The following DIXDC1 variants were observed in gnomAD, a reference collection of about 807,000 sequenced individuals.
DIXDC1 encodes DIX domain containing 1.
Under a neutral mutation model 103.1 loss-of-function variants are expected in DIXDC1, and 64 were observed. The ratio of observed to expected loss-of-function variants is 0.62; its 90% CI spans 0.51 to 0.76. DIXDC1 has a LOEUF of 0.76. Among genes scored for constraint, DIXDC1 ranks in the 30% least tolerant of loss-of-function variants. The probability of loss-of-function intolerance (pLI) is 0.00; values close to 1 mark genes in which losing one functional copy is unlikely to be tolerated. For synonymous variants in DIXDC1, 266 were observed against 298.5 expected, an observed-to-expected ratio of 0.89 and a Z score of 1.12; for missense variants, 759 against 834.2, an observed-to-expected ratio of 0.91 and a Z score of 1.11.
At chr11:111,992,263 C>G (rs1194412320) in intron 10 of DIXDC1, among the ~76,000 whole-genome samples, 152 bp from the exon 11 acceptor site, 2 of 152,176 alleles carry the variant, frequency 1.3e-5, no homozygotes, top group African/African-American at 4.8e-5. Flanking sequence ...AAAACCCCTC[C>G]TCAGCAACTC....
chr11:111,975,643 A>G (rs1390291219), intron 5 of DIXDC1: 7 of 985,636 alleles, frequency 7.1e-6, no homozygotes, highest in Non-Finnish European at 8.4e-6. Flanking sequence ...AACACTCCCC[A>G]GATCATGTTT....
chr11:111,980,910 GTC>G, intron 6 of DIXDC1, 61 bp downstream of exon 6: 1 of 1,417,606 alleles, frequency 7.1e-7, no homozygotes, highest in Non-Finnish European at 9.9e-7. Flanking sequence ...GAATTTAGAG[GTC>G]CCCATCACCA....
At chr11:111,968,485 A>G (rs1859807108) in intron 2 of DIXDC1, 28 bp from the exon 3 acceptor site, 1 of 1,607,174 alleles carries the variant, frequency 6.2e-7, no homozygotes. Context: ...CCTCCCTATA[A>G]CTTCCTATAT....
intron 17 of DIXDC1, among the ~76,000 whole-genome samples, chr11:112,014,036 C>T (rs1484010847): frequency 7.2e-5 from 11 of 152,156 alleles, no homozygotes; most frequent in African/African-American, 2.7e-4. Flanking sequence ...GTACTCACTC[C>T]TCCTCCCCAA....
intron 1 of DIXDC1, among the ~76,000 whole-genome samples, chr11:111,948,287 A>G (rs587748657): frequency 6.6e-6 from 1 of 152,304 alleles, no homozygotes; most frequent in Admixed American, 6.5e-5. Context: ...ACGGTCCTAC[A>G]TTCCCATTAA....
chr11:111,945,716 C>G (rs1386352539), intron 1 of DIXDC1: 1 of 152,112 alleles, frequency 6.6e-6, no homozygotes, highest in Non-Finnish European at 1.5e-5. Flanking sequence ...GGAAGGCACG[C>G]TTGGTTCTGT....
At chr11:111,944,150 ATCT>A (rs1261444625) in intron 1 of DIXDC1, among the ~76,000 whole-genome samples, 4 of 152,054 alleles carry the variant, frequency 2.6e-5, no homozygotes, top group Admixed American at 6.6e-5. Flanking sequence ...TCATCTCCTC[ATCT>A]TCTGCTGCTG....
At chr11:111,929,332 A>G (rs1965939582) in intron 1 of DIXDC1, among the ~76,000 whole-genome samples, 1 of 152,234 alleles carries the variant, frequency 6.6e-6, no homozygotes, top group Non-Finnish European at 1.5e-5. Context: ...AAATATAGGA[A>G]GAAAGGAAAA....
chr11:111,942,071 G>T (rs781867679), intron 1 of DIXDC1, among the ~76,000 whole-genome samples: 1 of 152,152 alleles, frequency 6.6e-6, no homozygotes, highest in Admixed American at 6.6e-5. Flanking sequence ...GAAATTAAAG[G>T]CTTGTTAAGT....
In DIXDC1 at chr11:111,977,215, G is replaced by A; in HGVS notation, c.656+2232G>A. Reference sequence around the variant, plus strand: ...GCACCCTCAACCTCCGTCCAGAGCGGTCGGTTGGCCAGCGGAGCTGGCTTG... The same window carrying A: ...GCACCCTCAACCTCCGTCCAGAGCGATCGGTTGGCCAGCGGAGCTGGCTTG... On this transcript the variant is annotated intron_variant, in intron 5 of 19. Transcript: ENST00000440460. This position sits in a 1 kb window ranked among gnomAD's most constrained non-coding sequence, Gnocchi z 6.1. 1 of 992,418 alleles carries A rather than the reference G, an allele frequency of 1.0e-6. No homozygotes were observed. Among genetic ancestry groups the A allele is most frequent in the Non-Finnish European group, 1.2e-6 (1 of 834,074 alleles). 61.5% of individuals were successfully genotyped at this position (992,418 alleles called of 1,614,324 possible). A position where few individuals can be genotyped will look rare whatever the true frequency, so the allele number is the denominator to read the frequency against.
intron 14 of DIXDC1, 81 bp from the exon 15 acceptor site, chr11:111,994,938 A>C: frequency 7.9e-7 from 1 of 1,258,886 alleles, no homozygotes; most frequent in Non-Finnish European, 1.1e-6. Context: ...GGAAGTGATA[A>C]ATGTAAAGAA....
chr11:112,005,123 G>A (rs1861195101), intron 17 of DIXDC1, among the ~76,000 whole-genome samples: 1 of 152,106 alleles, frequency 6.6e-6, no homozygotes, highest in Non-Finnish European at 1.5e-5. Flanking sequence ...TGAAAATGTT[G>A]ATAACATGCA....
intron 3 of DIXDC1, among the ~76,000 whole-genome samples, chr11:111,973,049 AG>A (rs1340032347): frequency 7.9e-4 from 118 of 149,938 alleles, no homozygotes; most frequent in African/African-American, 2.9e-3. Flanking sequence ...AAAAAAAAAA[AG>A]AGTTTCTAAT....
intron 5 of DIXDC1, among the ~76,000 whole-genome samples, chr11:111,980,319 T>A (rs147477371): frequency 6.6e-6 from 1 of 152,294 alleles, no homozygotes; most frequent in East Asian, 1.9e-4. Context: ...GAAATAAAAT[T>A]TCCTTCTAGC....
chr11:112,016,555 A>G lies in DIXDC1; in HGVS notation c.1757-136A>G, dbSNP rs1005276378. 7 of 629,962 alleles carry G rather than the reference A, an allele frequency of 1.1e-5. No individual in the cohort carries two copies. The Admixed American group carries it at 1.7e-4, about 15-fold the overall frequency. The allele number at this position is 629,962 out of a possible 1,614,324, so 39.0% of individuals were successfully genotyped here. ...TCCTAGGCAACCATAGCATATGGAC[A>G]TTGTGTTTGGCAAGGGTGTGAGAGC... On this transcript the variant is annotated intron_variant, in intron 17 of 19. Coordinates refer to ENST00000440460, the MANE Select transcript of DIXDC1 (RefSeq NM_001037954.4).
intron 17 of DIXDC1, among the ~76,000 whole-genome samples, chr11:112,001,251 C>T (rs1210356682): frequency 2.0e-5 from 3 of 152,090 alleles, no homozygotes; most frequent in Non-Finnish European, 4.4e-5. Flanking sequence ...ATAGGCAAAT[C>T]CATAGAGACC....
intron 17 of DIXDC1, among the ~76,000 whole-genome samples, chr11:112,008,444 G>T (rs1223526668): frequency 6.6e-6 from 1 of 152,128 alleles, no homozygotes; most frequent in South Asian, 2.1e-4. Flanking sequence ...ACTCAGCTCT[G>T]CACCAAGCAG....
At chr11:112,013,313 TCGGGGGG>T (rs1555177386) in intron 17 of DIXDC1, among the ~76,000 whole-genome samples, 7 of 1,150 alleles carry the variant, frequency 6.1e-3, no homozygotes, top group African/African-American at 0.027. Flanking sequence ...AGTTGACGGG[TCGGGGGG>T]TGGGGGTGGG....
intron 5 of DIXDC1, 78 bp from the exon 6 acceptor site, chr11:111,980,659 T>G (rs1366059541): frequency 5.8e-6 from 7 of 1,199,810 alleles, no homozygotes; most frequent in Non-Finnish European, 8.4e-6. Context: ...GTCCCTGTTC[T>G]CAGGAATAAA....
Sources: allele counts gnomAD v4.1 joint callset (sites outside exome capture counted in the v4.1 genomes callset), GRCh38; gene constraint gnomAD v4.1.1; non-coding constraint Gnocchi (gnomAD v3.1); transcripts MANE v1.5; gene names NCBI Gene and HGNC (gene_info 2026-07-23, HGNC 2026-07-21).